APCDD1L: variants seen among roughly 807,000 people sequenced by gnomAD.
APCDD1L encodes protein APCDD1-like.
A neutral mutation model predicts 24.2 loss-of-function variants in APCDD1L; 21 were observed. That is an observed-to-expected ratio of 0.87 (90% CI 0.61 to 1.25). The LOEUF (loss-of-function observed/expected upper bound fraction) is 1.25. Among genes scored for constraint, APCDD1L ranks in the 50% most tolerant of loss-of-function variants. The pLI, the probability that APCDD1L is intolerant of heterozygous loss-of-function variation, is 0.00. For synonymous variants in APCDD1L, 321 were observed against 323.6 expected (o/e 0.99, Z 0.09); for missense variants, 704 against 711.7 (o/e 0.99, Z 0.12).
intron 1 of APCDD1L, among the ~76,000 whole-genome samples, chr20:58,511,637 A>T (rs1990629611): frequency 1.3e-5 from 2 of 152,248 alleles, no homozygotes. Context: ...TTCACACAGT[A>T]GCAAGAGGAA....
At chr20:58,509,420 T>C (rs541498552) in intron 1 of APCDD1L, among the ~76,000 whole-genome samples, 57 of 152,308 alleles carry the variant, frequency 3.7e-4, no homozygotes, top group Middle Eastern at 3.4e-3. Flanking sequence ...GTCTTAGCTA[T>C]ACCCCTGCCT....
At chr20:58,485,180 A>C (rs968054798) in intron 1 of APCDD1L, among the ~76,000 whole-genome samples, 7 of 151,908 alleles carry the variant, frequency 4.6e-5, no homozygotes, top group African/African-American at 1.7e-4. Flanking sequence ...TTATCAAAAC[A>C]ACAATACATT....
At chr20:58,503,707 C>A (rs1023281921) in intron 1 of APCDD1L, among the ~76,000 whole-genome samples, 1 of 152,162 alleles carries the variant, frequency 6.6e-6, no homozygotes, top group Non-Finnish European at 1.5e-5. Flanking sequence ...GGGTGTACAG[C>A]ACATATACTA....
Position 58,514,714 on chromosome 20 carries a change from G to C in APCDD1L, c.-7C>G, listed in dbSNP as rs1037312575. 2.3e-6 allele frequency: 3 copies of C among 1,306,038 alleles called. No individual in the cohort carries two copies. The highest frequency in any genetic ancestry group is 2.8e-5 in the East Asian group (1 of 35,406). The allele number at this position is 1,306,038 out of a possible 1,614,324, so 80.9% of individuals were successfully genotyped here. On this transcript the variant is annotated 5_prime_UTR_variant, in exon 1 of 4. Coordinates refer to ENST00000371149, the MANE Select transcript of APCDD1L (RefSeq NM_153360.3). ...GGAGCATGGCTGCGGGCATCCCGTC[G>C]GGGCTGGCAGGACCGCCCGCCGGGC...
chr20:58,463,908 G>A (rs1291970668), intron 3 of APCDD1L, among the ~76,000 whole-genome samples: 2 of 138,458 alleles, frequency 1.4e-5, no homozygotes, highest in African/African-American at 2.7e-5. Context: ...GGGGGGGGGC[G>A]TCACATTTTA....
chr20:58,472,170 T>A (rs1159080435), intron 1 of APCDD1L, among the ~76,000 whole-genome samples: 1 of 152,152 alleles, frequency 6.6e-6, no homozygotes, highest in Non-Finnish European at 1.5e-5. Flanking sequence ...GGGGGTTGCC[T>A]CTGGAGACTT....
In APCDD1L at chr20:58,514,641, G is replaced by A. The variant is rs1201683838; in HGVS notation, c.49+18C>T. ...CCGAGCTCAGCCAGTTTGCCGGGTG[G>A]GGGAGGGTGGCACCTACCTCCCAAA... is the stretch of plus-strand genomic sequence containing the variant. On this transcript the variant is annotated intron_variant, in intron 1 of 3. Coordinates refer to ENST00000371149, the MANE Select transcript of APCDD1L (RefSeq NM_153360.3). The A allele has an allele frequency of 2.2e-5, 29 of 1,313,636 alleles. No homozygotes were observed. The highest frequency in any genetic ancestry group is 2.8e-5 in the Non-Finnish European group (29 of 1,024,412). The allele number at this position is 1,313,636 out of a possible 1,614,324, so 81.4% of individuals were successfully genotyped here.
intron 1 of APCDD1L, among the ~76,000 whole-genome samples, chr20:58,504,226 ATC>A (rs960375336): frequency 6.6e-5 from 10 of 152,174 alleles, no homozygotes; most frequent in African/African-American, 2.4e-4. Context: ...AGCCCAATGC[ATC>A]TCCCTGGCTT....
At chr20:58,480,169 T>A (rs892729003) in intron 1 of APCDD1L, among the ~76,000 whole-genome samples, 2 of 152,038 alleles carry the variant, frequency 1.3e-5, no homozygotes, top group African/African-American at 4.8e-5. Context: ...GGGGAATGGG[T>A]TGGACTTTGC....
At position 58,461,207 on chromosome 20, in the gene APCDD1L, C is replaced by T. The variant is rs1989594682; in HGVS notation, c.1089G>A (p.Met363Ile). ...TGAGCATGGCCGTGGTGACCTGGTC[C>T]ATGGGGGTCACATGGGCCCGTGTGA... ...FEVTRAHVTP[M>I]DQVTTAMLNF... Residue 363 changes from methionine (M) to isoleucine (I), a missense_variant, in exon 4 of 4, where the codon ATG becomes ATA. Physicochemically the swap from Met to Ile is conservative, Grantham distance 10. Coordinates refer to ENST00000371149, the MANE Select transcript of APCDD1L (RefSeq NM_153360.3). The surrounding 1 kb of genome is among the most constrained non-coding windows in gnomAD (Gnocchi z 6.0). 6.2e-7 allele frequency: 1 copy of T among 1,613,664 alleles called. No individual in the cohort carries two copies. Among genetic ancestry groups the T allele is most frequent in the African/African-American group, 1.3e-5 (1 of 75,040 alleles).
At chr20:58,465,168 C>A (rs562597364) in intron 3 of APCDD1L, among the ~76,000 whole-genome samples, 8 of 152,314 alleles carry the variant, frequency 5.3e-5, no homozygotes, top group African/African-American at 1.9e-4. Context: ...TCACCGCTAG[C>A]GCCTTCTCTG....
At chr20:58,511,342 T>A (rs17448954) in intron 1 of APCDD1L, among the ~76,000 whole-genome samples, 3,299 of 152,352 alleles carry the variant, frequency 0.022, 49 homozygotes, top group South Asian at 0.057. Flanking sequence ...ATTGGGCTAT[T>A]GATCTTCATT....
chr20:58,514,305 G>A (rs936546669), intron 1 of APCDD1L, among the ~76,000 whole-genome samples: 4 of 152,198 alleles, frequency 2.6e-5, no homozygotes, highest in African/African-American at 9.7e-5. Flanking sequence ...CGCACCATGG[G>A]GGTCTCAGTG....
chr20:58,469,166 C>T (rs2865461), intron 2 of APCDD1L, among the ~76,000 whole-genome samples: 60,123 of 152,080 alleles, frequency 0.4, 12,117 homozygotes, highest in South Asian at 0.43. Flanking sequence ...GATAATATTA[C>T]GTTTTCTTTA....
chr20:58,468,173 G>T (rs1989752627), intron 2 of APCDD1L, among the ~76,000 whole-genome samples: 1 of 152,168 alleles, frequency 6.6e-6, no homozygotes, highest in South Asian at 2.1e-4. Flanking sequence ...GTAAAGGGCT[G>T]AGTAATAAAT....
chr20:58,485,745 G>T (rs910965419), intron 1 of APCDD1L, among the ~76,000 whole-genome samples: 1 of 152,200 alleles, frequency 6.6e-6, no homozygotes, highest in Non-Finnish European at 1.5e-5. Context: ...CAGCTTATCT[G>T]AATATTCTGA....
intron 1 of APCDD1L, among the ~76,000 whole-genome samples, chr20:58,478,471 C>A (rs1016645419): frequency 1.1e-4 from 17 of 151,784 alleles, no homozygotes; most frequent in African/African-American, 4.1e-4. Flanking sequence ...TGTGACTCCA[C>A]GAGTCTGCCA....
intron 1 of APCDD1L, among the ~76,000 whole-genome samples, chr20:58,486,295 T>G (rs1990116162): frequency 6.6e-6 from 1 of 152,116 alleles, no homozygotes; most frequent in Admixed American, 6.5e-5. Flanking sequence ...AATAAAACTT[T>G]GAGAAACAAA....
chr20:58,482,477 A>C (rs1053990173), intron 1 of APCDD1L, among the ~76,000 whole-genome samples: 2 of 152,226 alleles, frequency 1.3e-5, no homozygotes, highest in African/African-American at 4.8e-5. Flanking sequence ...ATGTTAAATA[A>C]ACAGGCTTGT....
Sources: allele counts gnomAD v4.1 joint callset (sites outside exome capture counted in the v4.1 genomes callset), GRCh38; gene constraint gnomAD v4.1.1; non-coding constraint Gnocchi (gnomAD v3.1); transcripts MANE v1.5; gene names NCBI Gene and HGNC (gene_info 2026-07-23, HGNC 2026-07-21).